The following ZNF804A variants were observed in gnomAD, a reference collection of about 807,000 sequenced individuals.
ZNF804A encodes the protein zinc finger protein 804A.
In ZNF804A, 2 loss-of-function variants were observed where a neutral mutation model predicts 16.5. The ratio of observed to expected loss-of-function variants is 0.12; its 90% CI spans 0.05 to 0.38. The LOEUF (loss-of-function observed/expected upper bound fraction) is 0.38, where lower values mean the gene tolerates loss of function less well. Ranked by LOEUF, ZNF804A falls within the 10% of genes least tolerant of loss-of-function variation. The pLI is 0.99. For synonymous variants in ZNF804A, 534 were observed against 489.6 expected (o/e 1.09, Z -1.20); for missense variants, 1,473 against 1,390.7 (o/e 1.06, Z -0.94).
At chr2:184,819,797 C>A (rs1695043160) in intron 1 of ZNF804A, among the ~76,000 whole-genome samples, 1 of 151,992 alleles carries the variant, frequency 6.6e-6, no homozygotes, top group African/African-American at 2.4e-5. Context: ...CACCTCTATG[C>A]ACATAAACTA....
At chr2:184,788,770 T>A (rs1211365361) in intron 1 of ZNF804A, among the ~76,000 whole-genome samples, 1 of 152,040 alleles carries the variant, frequency 6.6e-6, no homozygotes, top group East Asian at 1.9e-4. Context: ...GATTATGTAA[T>A]CAGTGAACAG....
chr2:184,851,720 A>C (rs888704210), intron 1 of ZNF804A, among the ~76,000 whole-genome samples: 1 of 151,894 alleles, frequency 6.6e-6, no homozygotes, highest in African/African-American at 2.4e-5. Flanking sequence ...GGATTGCTGG[A>C]TCATATGGTA....
chr2:184,605,413 C>A (rs1365028973), intron 1 of ZNF804A, among the ~76,000 whole-genome samples: 1 of 152,056 alleles, frequency 6.6e-6, no homozygotes, highest in African/African-American at 2.4e-5. Flanking sequence ...TCTACTGTAT[C>A]TGAGAAAATG....
chr2:184,789,923 T>C lies in ZNF804A; in HGVS notation c.112-76446T>C, dbSNP rs115038258. 4.0e-3 allele frequency among the ~76,000 whole-genome samples: 611 copies of C among 152,200 alleles called. 3 individuals are homozygous for C. The highest frequency in any genetic ancestry group is 7.4e-3 in the Non-Finnish European group (505 of 67,988). ...TTCCTTGAGTTACAATGCTAGGTTG[T>C]TAATTTGAGATTTTTCTATCTTTTT... On this transcript the variant is annotated intron_variant, in intron 1 of 3. Transcript: ENST00000302277.
At chr2:184,718,826 T>G (rs1023893692) in intron 1 of ZNF804A, among the ~76,000 whole-genome samples, 1 of 152,090 alleles carries the variant, frequency 6.6e-6, no homozygotes, top group Non-Finnish European at 1.5e-5. Flanking sequence ...CTTTTCCAGT[T>G]GTGTGGTGCA....
chr2:184,822,764 G>C lies in ZNF804A; in HGVS notation c.112-43605G>C, dbSNP rs76627619. On this transcript the variant is annotated intron_variant, in intron 1 of 3. Transcript: ENST00000302277. ...GAACACAAGACTAAATACTTAGTAA[G>C]TCAATAGCAATATTAGTACATTTAA... Among the ~76,000 whole-genome samples the C allele has an allele frequency of 2.5e-4, 38 of 152,202 alleles. No homozygotes were observed. The East Asian group carries it at 7.1e-3, about 29-fold the overall frequency.
At chr2:184,869,590 A>T (rs1255585118) in intron 2 of ZNF804A, among the ~76,000 whole-genome samples, 1 of 152,038 alleles carries the variant, frequency 6.6e-6, no homozygotes, top group Non-Finnish European at 1.5e-5. Flanking sequence ...GTAAAAGCTT[A>T]ATATTTAATA....
At chr2:184,756,980 A>G (rs1429775743) in intron 1 of ZNF804A, among the ~76,000 whole-genome samples, 1 of 152,034 alleles carries the variant, frequency 6.6e-6, no homozygotes. Context: ...TATTTTATGT[A>G]GGTTTAATCA....
intron 1 of ZNF804A, among the ~76,000 whole-genome samples, chr2:184,835,507 G>A (rs1695328481): frequency 6.6e-6 from 1 of 152,072 alleles, no homozygotes; most frequent in Non-Finnish European, 1.5e-5. Flanking sequence ...ATGAAGAAGT[G>A]CTTTTACCTC....
chr2:184,838,247 C>T (rs1695384233), intron 1 of ZNF804A, among the ~76,000 whole-genome samples: 1 of 152,042 alleles, frequency 6.6e-6, no homozygotes, highest in Admixed American at 6.6e-5. Context: ...TTATCAGCTT[C>T]AATCAAGACA....
At chr2:184,679,677 T>C (rs1237607682) in intron 1 of ZNF804A, among the ~76,000 whole-genome samples, 1 of 152,168 alleles carries the variant, frequency 6.6e-6, no homozygotes, top group African/African-American at 2.4e-5. Context: ...GTGCACTCAC[T>C]TGGGGCAGTG....
At chr2:184,656,626 T>C (rs1254965036) in intron 1 of ZNF804A, among the ~76,000 whole-genome samples, 1 of 152,124 alleles carries the variant, frequency 6.6e-6, no homozygotes, top group Non-Finnish European at 1.5e-5. Context: ...ACATACTCAC[T>C]GATCTGAATT....
chr2:184,750,135 T>C (rs1010235646), intron 1 of ZNF804A, among the ~76,000 whole-genome samples: 3 of 151,398 alleles, frequency 2.0e-5, no homozygotes, highest in African/African-American at 7.3e-5. Flanking sequence ...CTTGTGTTGG[T>C]TAATTTTTGT....
At chr2:184,669,209 T>C (rs1319367426) in intron 1 of ZNF804A, among the ~76,000 whole-genome samples, 1 of 152,086 alleles carries the variant, frequency 6.6e-6, no homozygotes, top group Non-Finnish European at 1.5e-5. Flanking sequence ...TCCTATATTC[T>C]TGCAGATACA....
chr2:184,657,008 C>G (rs2105703846), intron 1 of ZNF804A, among the ~76,000 whole-genome samples: 1 of 152,234 alleles, frequency 6.6e-6, no homozygotes, highest in South Asian at 2.1e-4. Flanking sequence ...TCTTTAACTG[C>G]TAAATATCAT....
chr2:184,623,633 G>T (rs1336147901), intron 1 of ZNF804A, among the ~76,000 whole-genome samples: 3 of 151,994 alleles, frequency 2.0e-5, no homozygotes, highest in Non-Finnish European at 4.4e-5. Context: ...TATCACAAAA[G>T]TACACATTTG....
chr2:184,860,854 G>C (rs1202313089), intron 1 of ZNF804A, among the ~76,000 whole-genome samples: 2 of 152,230 alleles, frequency 1.3e-5, no homozygotes, highest in Non-Finnish European at 2.9e-5. Flanking sequence ...TGGGGCAATG[G>C]CCAAGCTCAG....
At chr2:184,644,234 C>CATAT (rs10542640) in intron 1 of ZNF804A, among the ~76,000 whole-genome samples, 3 of 150,044 alleles carry the variant, frequency 2.0e-5, no homozygotes, top group Non-Finnish European at 3.0e-5. Flanking sequence ...AGCTATATAT[C>CATAT]ATATATATAT....
rs1691433823 is a variant in ZNF804A at position 184,622,399 on chromosome 2, T to G, written c.111+23329T>G. 1.3e-5 allele frequency among the ~76,000 whole-genome samples: 2 copies of G among 151,768 alleles called. 1 individual carries two copies. The highest frequency in any genetic ancestry group is 3.0e-5 in the Non-Finnish European group (2 of 67,742). On this transcript the variant is annotated intron_variant, in intron 1 of 3. Coordinates refer to ENST00000302277, the MANE Select transcript of ZNF804A (RefSeq NM_194250.2). ...TGAGTCAAATTTGAACTTAACAATGTTCTGATCACCCAAGACCTGGGAAAA... is the reference window on the plus strand; with the variant it reads ...TGAGTCAAATTTGAACTTAACAATGGTCTGATCACCCAAGACCTGGGAAAA...
Sources: allele counts gnomAD v4.1 joint callset (sites outside exome capture counted in the v4.1 genomes callset), GRCh38; gene constraint gnomAD v4.1.1; transcripts MANE v1.5; gene names NCBI Gene and HGNC (gene_info 2026-07-23, HGNC 2026-07-21).